Variants in DIAPH3 observed in about 807,000 individuals in gnomAD.
The protein encoded by DIAPH3 is protein diaphanous homolog 3.
In DIAPH3, 117 loss-of-function variants were observed where a neutral mutation model predicts 144.3. That is an observed-to-expected ratio of 0.81 (90% CI 0.70 to 0.95). The LOEUF (loss-of-function observed/expected upper bound fraction) is 0.95, where lower values mean the gene tolerates loss of function less well. Among genes scored for constraint, DIAPH3 ranks in the 40% least tolerant of loss-of-function variants. The pLI, the probability that DIAPH3 is intolerant of heterozygous loss-of-function variation, is 0.00. For synonymous variants in DIAPH3, 519 were observed against 488.9 expected (o/e 1.06, Z -0.81); for missense variants, 1,421 against 1,412.7 (o/e 1.01, Z -0.09).
At chr13:60,053,461 C>A (rs145999542) in intron 4 of DIAPH3, among the ~76,000 whole-genome samples, 4 of 152,106 alleles carry the variant, frequency 2.6e-5, no homozygotes, top group Admixed American at 6.6e-5. Context: ...AAGAAAAGTA[C>A]ATAGATTCCT....
At chr13:59,890,684 A>G (rs2045734033) in intron 20 of DIAPH3, among the ~76,000 whole-genome samples, 1 of 151,638 alleles carries the variant, frequency 6.6e-6, no homozygotes, top group Non-Finnish European at 1.5e-5. Context: ...ACATATATAC[A>G]TATATGTATG....
intron 27 of DIAPH3, among the ~76,000 whole-genome samples, chr13:59,760,941 T>G (rs2037546990): frequency 1.3e-5 from 2 of 152,208 alleles, no homozygotes. Context: ...TACATAGCAC[T>G]TAATGATCAT....
chr13:60,106,158 G>T (rs2058414923), intron 3 of DIAPH3, among the ~76,000 whole-genome samples: 1 of 151,958 alleles, frequency 6.6e-6, no homozygotes. Context: ...TTCTCCTCTG[G>T]AAAAACAGCT....
intron 4 of DIAPH3, among the ~76,000 whole-genome samples, chr13:60,047,226 CAGA>C (rs1317207129): frequency 1.3e-5 from 2 of 151,298 alleles, no homozygotes; most frequent in African/African-American, 4.9e-5. Context: ...ACTCACAGAA[CAGA>C]AGAATTAATT....
chr13:59,895,102 A>G (rs1341340984), intron 20 of DIAPH3, among the ~76,000 whole-genome samples: 1 of 152,172 alleles, frequency 6.6e-6, no homozygotes, highest in Non-Finnish European at 1.5e-5. Flanking sequence ...TAATGCATAA[A>G]TGTAAGTCAA....
At chr13:60,092,021 G>C (rs1367796595) in intron 4 of DIAPH3, among the ~76,000 whole-genome samples, 1 of 151,444 alleles carries the variant, frequency 6.6e-6, no homozygotes, top group Non-Finnish European at 1.5e-5. Flanking sequence ...TTCTTTTTCT[G>C]GTTGAGACAA....
At chr13:59,874,759 G>C (rs2044506117) in intron 21 of DIAPH3, among the ~76,000 whole-genome samples, 1 of 152,092 alleles carries the variant, frequency 6.6e-6, no homozygotes, top group Non-Finnish European at 1.5e-5. Flanking sequence ...TATTACACGT[G>C]GTAAAACTCC....
intron 2 of DIAPH3, among the ~76,000 whole-genome samples, chr13:60,113,585 A>G (rs2058627558): frequency 6.6e-6 from 1 of 152,174 alleles, no homozygotes; most frequent in Admixed American, 6.5e-5. Flanking sequence ...AGTTGTCATA[A>G]AACACCACTG....
chr13:60,095,524 T>C (rs1335131423), intron 3 of DIAPH3, among the ~76,000 whole-genome samples: 2 of 152,128 alleles, frequency 1.3e-5, no homozygotes, highest in Non-Finnish European at 2.9e-5. Context: ...TTGTAAATTG[T>C]CATGGCGCTA....
chr13:59,901,397 G>A (rs957943554), intron 20 of DIAPH3, among the ~76,000 whole-genome samples: 2 of 152,068 alleles, frequency 1.3e-5, no homozygotes, highest in African/African-American at 2.4e-5. Context: ...TCTATAACAT[G>A]CTTCCTTGAG....
rs769079158 is a variant in DIAPH3 at position 60,015,956 on chromosome 13, T to C, written c.728A>G (p.Gln243Arg). The C allele has an allele frequency of 1.2e-6, 2 of 1,613,416 alleles. No homozygotes were observed. The highest frequency in any genetic ancestry group is 1.7e-6 in the Non-Finnish European group (2 of 1,179,802). Residue 243 changes from glutamine to arginine, a missense_variant, in exon 7 of 28, where the codon CAA (glutamine) becomes CGA (arginine). By Grantham distance (43) the Gln-to-Arg change is conservative (BLOSUM62 1). Transcript: ENST00000400324. ...TTTTAGACACTGTATGACTTTATGT[T>C]GATTTTTCTTTACAACTTTTTCTTG... ...KIQEKVVKKN[Q>R]HKVIQCLKAL...
intron 4 of DIAPH3, among the ~76,000 whole-genome samples, chr13:60,056,968 C>T (rs1276189435): frequency 1.3e-5 from 2 of 151,670 alleles, no homozygotes; most frequent in East Asian, 3.9e-4. Flanking sequence ...CCAATTAAAA[C>T]AAGTTTTTCA....
At chr13:59,897,565 T>A (rs770721877) in intron 20 of DIAPH3, among the ~76,000 whole-genome samples, 1 of 151,138 alleles carries the variant, frequency 6.6e-6, no homozygotes, top group Non-Finnish European at 1.5e-5. Flanking sequence ...CTGGCTAACA[T>A]GGTAAAACCC....
At position 60,008,624 on chromosome 13, in the gene DIAPH3, T is replaced by G; in HGVS notation, c.934A>C (p.Thr312Pro). The change falls in exon 9 of 28, where the codon ACT (threonine) becomes CCT (proline). Residue 312 changes from threonine (T) to proline (P), a missense_variant. Coordinates refer to ENST00000400324, the MANE Select transcript of DIAPH3 (RefSeq NM_001042517.2). The part of the protein sequence containing the change: ...SILEEVLEAL[T>P]SAGEEKKIDR... ...ATTTTTTTTTCTTCACCAGCTGAAG[T>G]TAAAGCTTCTAAAACTTCTTCAAGG... 1 of 1,613,574 alleles carries G rather than the reference T, an allele frequency of 6.2e-7. No individual in the cohort carries two copies. Among genetic ancestry groups the G allele is most frequent in the Non-Finnish European group, 8.5e-7 (1 of 1,179,726 alleles).
intron 5 of DIAPH3, among the ~76,000 whole-genome samples, chr13:60,030,291 T>C (rs1017075561): frequency 2.6e-5 from 4 of 152,214 alleles, no homozygotes; most frequent in African/African-American, 9.6e-5. Flanking sequence ...TCCTGTGCTA[T>C]ATTTTAGTGG....
At chr13:59,711,739 G>GA (rs1339266431) in intron 27 of DIAPH3, among the ~76,000 whole-genome samples, 1 of 152,158 alleles carries the variant, frequency 6.6e-6, no homozygotes, top group African/African-American at 2.4e-5. Flanking sequence ...AGGTGAATGG[G>GA]AAAGCCAGAA....
At chr13:60,006,022 T>A (rs1351352565) in intron 9 of DIAPH3, among the ~76,000 whole-genome samples, 1 of 152,176 alleles carries the variant, frequency 6.6e-6, no homozygotes, top group African/African-American at 2.4e-5. Context: ...AGAAATGTTA[T>A]TTTTCCACAG....
chr13:60,090,388 A>G (rs1216749898), intron 4 of DIAPH3, among the ~76,000 whole-genome samples: 1 of 151,954 alleles, frequency 6.6e-6, no homozygotes, highest in African/African-American at 2.4e-5. Flanking sequence ...TTTTAATTCT[A>G]AAAACCAACC....
intron 25 of DIAPH3, among the ~76,000 whole-genome samples, chr13:59,803,999 G>GT (rs910504307): frequency 1.4e-4 from 22 of 152,150 alleles, no homozygotes; most frequent in South Asian, 1.0e-3. Flanking sequence ...CAAAATGTTT[G>GT]TGCCACTCCT....
Sources: gnomAD v4.1 joint callset for allele counts (sites outside exome capture counted in the v4.1 genomes callset) on GRCh38, gnomAD v4.1.1 for gene constraint, MANE v1.5 for transcripts, NCBI Gene and HGNC (gene_info 2026-07-23, HGNC 2026-07-21) for gene names.